The following TBC1D1 variants were observed in gnomAD, a reference collection of about 807,000 sequenced individuals.
TBC1D1 encodes TBC1 (tre-2/USP6, BUB2, cdc16) domain family, member 1.
TBC1D1 carries 89 observed loss-of-function variants against 125.6 expected under a neutral mutation model. The ratio of observed to expected loss-of-function variants is 0.71; its 90% CI spans 0.60 to 0.85. The LOEUF (loss-of-function observed/expected upper bound fraction) is 0.85, where lower values mean the gene tolerates loss of function less well. Among genes scored for constraint, TBC1D1 ranks in the 40% least tolerant of loss-of-function variants. The probability of loss-of-function intolerance (pLI) is 0.00; values close to 1 mark genes in which losing one functional copy is unlikely to be tolerated. For missense variants in TBC1D1, 1,377 were observed against 1,469.2 expected (o/e 0.94, Z 1.03); for synonymous variants, 565 against 564.1 (o/e 1.00, Z -0.02).
intron 1 of TBC1D1, among the ~76,000 whole-genome samples, chr4:37,895,140 G>C (rs1197087086): frequency 6.6e-6 from 1 of 152,178 alleles, no homozygotes; most frequent in Non-Finnish European, 1.5e-5. Context: ...GTATGGCCTT[G>C]GGCAGGTGAC....
At chr4:38,072,891 T>C (rs1754943102) in intron 12 of TBC1D1, among the ~76,000 whole-genome samples, 1 of 152,262 alleles carries the variant, frequency 6.6e-6, no homozygotes, top group South Asian at 2.1e-4. Context: ...TTCTGGTTTA[T>C]TTCGCTTAGC....
intron 16 of TBC1D1, among the ~76,000 whole-genome samples, chr4:38,116,809 G>T (rs535572615): frequency 3.3e-5 from 5 of 152,328 alleles, no homozygotes; most frequent in African/African-American, 1.2e-4. Flanking sequence ...TTTACTACCA[G>T]TAAGATACTA....
chr4:37,918,665 C>T (rs1304011285), intron 2 of TBC1D1, among the ~76,000 whole-genome samples: 1 of 152,188 alleles, frequency 6.6e-6, no homozygotes, highest in Non-Finnish European at 1.5e-5. Context: ...CCAGGCTGGT[C>T]TCAAACTCCC....
At chr4:38,072,031 C>T (rs1375938487) in intron 12 of TBC1D1, among the ~76,000 whole-genome samples, 1 of 152,128 alleles carries the variant, frequency 6.6e-6, no homozygotes, top group Admixed American at 6.5e-5. Flanking sequence ...ACAGCAGTCT[C>T]CCTCCCCTGG....
At chr4:38,129,812 A>G (rs62297265) in intron 18 of TBC1D1, among the ~76,000 whole-genome samples, 23,756 of 152,218 alleles carry the variant, frequency 0.16, 2,124 homozygotes, top group Admixed American at 0.24. Flanking sequence ...GTAACATATA[A>G]TGCTTTACTC....
chr4:38,077,992 C>T (rs16994188), intron 12 of TBC1D1, among the ~76,000 whole-genome samples: 16,915 of 152,084 alleles, frequency 0.11, 1,083 homozygotes, highest in African/African-American at 0.16. Flanking sequence ...GCAGACCAGA[C>T]GCTAGAGTCC....
intron 15 of TBC1D1, chr4:38,111,807 A>T (rs1430342946): frequency 2.8e-6 from 1 of 351,846 alleles, no homozygotes; most frequent in African/African-American, 2.2e-5. Flanking sequence ...GTCTCCCCCA[A>T]TAGAATTTCG....
chr4:37,926,966 A>C (rs534008498), intron 2 of TBC1D1, among the ~76,000 whole-genome samples: 17 of 152,080 alleles, frequency 1.1e-4, no homozygotes, highest in African/African-American at 4.1e-4. Flanking sequence ...AAAATACAAA[A>C]ATTACCCGGG....
chr4:37,960,372 TA>T, intron 2 of TBC1D1: 1 of 1,402,980 alleles, frequency 7.1e-7, no homozygotes, highest in Non-Finnish European at 9.8e-7. Flanking sequence ...ACATTCTATC[TA>T]AATATAAAGT....
At chr4:38,119,005 C>T (rs1280919114) in intron 17 of TBC1D1, among the ~76,000 whole-genome samples, 1 of 152,114 alleles carries the variant, frequency 6.6e-6, no homozygotes, top group Non-Finnish European at 1.5e-5. Context: ...TTTGTTTTCC[C>T]TACTGCAGAA....
chr4:38,072,026 A>T (rs1173298645), intron 12 of TBC1D1, among the ~76,000 whole-genome samples: 1 of 152,172 alleles, frequency 6.6e-6, no homozygotes, highest in Non-Finnish European at 1.5e-5. Context: ...GTGCCACAGC[A>T]GTCTCCCTCC....
chr4:38,007,439 G>C (rs539455998), intron 2 of TBC1D1, among the ~76,000 whole-genome samples: 1 of 152,116 alleles, frequency 6.6e-6, no homozygotes, highest in Admixed American at 6.6e-5. Context: ...CTTTAGTAGA[G>C]ACGGGGTTTC....
rs889473741 is a variant in TBC1D1 at position 38,087,276 on chromosome 4, C to T, written c.2051-2656C>T. 3.2e-4 allele frequency among the ~76,000 whole-genome samples: 49 copies of T among 152,272 alleles called. 1 individual carries two copies. Among genetic ancestry groups the T allele is most frequent in the Admixed American group, 2.8e-3 (43 of 15,294 alleles). On this transcript the variant is annotated intron_variant, in intron 12 of 19. Coordinates refer to ENST00000261439, the MANE Select transcript of TBC1D1 (RefSeq NM_015173.4). Reference sequence around the variant, plus strand: ...GTTTCTCTGAATACTAAAATAAAACCGGAGTTTCATAAACTTCTATAGACA... The same window carrying T: ...GTTTCTCTGAATACTAAAATAAAACTGGAGTTTCATAAACTTCTATAGACA...
chr4:37,981,883 A>T (rs1453537865), intron 2 of TBC1D1, among the ~76,000 whole-genome samples: 1 of 152,196 alleles, frequency 6.6e-6, no homozygotes. Flanking sequence ...TTTGGTTCGG[A>T]TAGGAGGTGA....
At chr4:37,903,260 T>G (rs1716531693) in intron 2 of TBC1D1, among the ~76,000 whole-genome samples, 1 of 152,250 alleles carries the variant, frequency 6.6e-6, no homozygotes, top group South Asian at 2.1e-4. Flanking sequence ...CGTTCATTTG[T>G]GCTTGCTTTG....
chr4:37,901,048 G>A (rs1715867528), intron 1 of TBC1D1, among the ~76,000 whole-genome samples: 1 of 149,106 alleles, frequency 6.7e-6, no homozygotes, highest in South Asian at 2.2e-4. Context: ...CTCCAGCCCG[G>A]GCAACAGAGC....
At chr4:37,912,616 G>A (rs1222727080) in intron 2 of TBC1D1, among the ~76,000 whole-genome samples, 1 of 152,162 alleles carries the variant, frequency 6.6e-6, no homozygotes, top group African/African-American at 2.4e-5. Context: ...AGTATTAAGA[G>A]GTGGGGTCTT....
At chr4:38,050,252 T>C (rs1180585097) in intron 11 of TBC1D1, among the ~76,000 whole-genome samples, 5 of 152,268 alleles carry the variant, frequency 3.3e-5, no homozygotes, top group Non-Finnish European at 7.4e-5. Flanking sequence ...AGGGTTATAA[T>C]GGGAGGGAGA....
intron 2 of TBC1D1, chr4:37,960,335 A>C: frequency 8.9e-7 from 1 of 1,119,186 alleles, no homozygotes; most frequent in South Asian, 1.6e-5. Context: ...CAAAAATTAG[A>C]TATTACACCA....
Sources: allele counts gnomAD v4.1 joint callset (sites outside exome capture counted in the v4.1 genomes callset), GRCh38; gene constraint gnomAD v4.1.1; transcripts MANE v1.5; gene names NCBI Gene and HGNC (gene_info 2026-07-23, HGNC 2026-07-21).